ZNF215: variants seen among roughly 807,000 people sequenced by gnomAD.
ZNF215 encodes BWSCR2-associated zinc finger protein 2.
A neutral mutation model predicts 27.2 loss-of-function variants in ZNF215; 24 were observed. That is an observed-to-expected ratio of 0.88 (90% CI 0.64 to 1.24). The LOEUF (loss-of-function observed/expected upper bound fraction) is 1.24, where lower values mean the gene tolerates loss of function less well. Ranked by LOEUF, ZNF215 falls within the 50% of genes most tolerant of loss-of-function variation. The probability of loss-of-function intolerance (pLI) is 0.00; values close to 1 mark genes in which losing one functional copy is unlikely to be tolerated. For missense variants in ZNF215, 675 were observed against 605.7 expected (o/e 1.11, Z -1.20); for synonymous variants, 210 against 204.0 (o/e 1.03, Z -0.25).
In ZNF215 at chr11:6,955,864, C is replaced by T. The variant is rs1294500556; in HGVS notation, c.887C>T (p.Thr296Ile). ...GCTTTCATTCCTGAGACAATTTACA[C>T]TGAGGAGGAAGATTTTGAATGTAGT... ...QEAFIPETIY[T>I]EEEDFECSEN... Residue 296 changes from threonine (T) to isoleucine (I), a missense_variant, in exon 7 of 7, where the codon ACT becomes ATT. By Grantham distance (89) the Thr-to-Ile change is moderately conservative. Transcript: ENST00000278319. 1.2e-6 allele frequency: 2 copies of T among 1,610,578 alleles called. No homozygotes were observed. Among genetic ancestry groups the T allele is most frequent in the Non-Finnish European group, 1.7e-6 (2 of 1,179,242 alleles).
intron 5 of ZNF215, among the ~76,000 whole-genome samples, chr11:6,982,893 G>C (rs1217874498): frequency 6.6e-6 from 1 of 151,518 alleles, no homozygotes; most frequent in Non-Finnish European, 1.5e-5. Flanking sequence ...CAGAAGGCAA[G>C]AAATAACTAA....
chr11:6,943,193 G>C lies in ZNF215; in HGVS notation c.594G>C (p.Arg198Ser). ...GGAATGTGATGCTGGAAAACTTTAGGAACCTGAATTCATTGCGTAAAGGTG... is the reference window on the plus strand; with the variant it reads ...GGAATGTGATGCTGGAAAACTTTAGCAACCTGAATTCATTGCGTAAAGGTG... Reference protein sequence around the residue: ...LYRNVMLENFRNLNSLRKAHL... With the variant: ...LYRNVMLENFSNLNSLRKAHL... The change falls in exon 5 of 7, where the codon AGG becomes AGC. Residue 198 changes from arginine to serine, a missense_variant. Arg to Ser is a moderately radical substitution (Grantham distance 110, BLOSUM62 -1). Coordinates refer to ENST00000278319, the MANE Select transcript of ZNF215 (RefSeq NM_013250.4). The C allele has an allele frequency of 6.2e-7, 1 of 1,613,282 alleles. No homozygotes were observed. The highest frequency in any genetic ancestry group is 1.1e-5 in the South Asian group (1 of 90,826).
intron 5 of ZNF215, among the ~76,000 whole-genome samples, chr11:6,983,453 C>T (rs964679095): frequency 5.9e-5 from 9 of 151,850 alleles, no homozygotes; most frequent in Non-Finnish European, 1.2e-4. Flanking sequence ...GAGACACAAG[C>T]AAAAAAGAGA....
At chr11:6,984,265 G>C (rs947216713) in exon 6 of ZNF215, 2 of 237,444 alleles carry the variant, frequency 8.4e-6, no homozygotes, top group Admixed American at 1.2e-4. Context: ...CCACCACCAT[G>C]CCTAGCTAAT....
intron 6 of ZNF215, 24 bp from the exon 7 acceptor site, chr11:6,955,666 A>G (rs746687622): frequency 1.3e-6 from 2 of 1,527,666 alleles, no homozygotes; most frequent in African/African-American, 1.4e-5. Flanking sequence ...CTTCTAGTTC[A>G]TGGCATTTTT....
chr11:6,935,067 G>GCCACCCCA (rs1417518631), intron 3 of ZNF215, among the ~76,000 whole-genome samples: 2 of 152,178 alleles, frequency 1.3e-5, no homozygotes, highest in Non-Finnish European at 2.9e-5. Flanking sequence ...GTACTGAGGT[G>GCCACCCCA]GCTACCTGGG....
At chr11:6,943,369 T>G (rs1849696243) in intron 5 of ZNF215, among the ~76,000 whole-genome samples, 154 bp downstream of exon 5, 2 of 152,238 alleles carry the variant, frequency 1.3e-5, no homozygotes. Flanking sequence ...CTGACTCATC[T>G]GGATGAAAGT....
chr11:6,932,276 C>T lies in ZNF215; in HGVS notation c.4C>T (p.Gln2Ter), dbSNP rs1344720068. Reference sequence around the variant, plus strand: ...TGTGGGAGTTCTATTTAGGAAGATGCAGCCTCTGAGCAAGTTGATGGCTAT... The same window carrying T: ...TGTGGGAGTTCTATTTAGGAAGATGTAGCCTCTGAGCAAGTTGATGGCTAT... M[Q>*]PLSKLMAISK... is the part of the protein sequence containing the mutation. Residue 2 changes from glutamine to a stop codon, truncating the protein, a stop_gained, in exon 3 of 7, where the codon CAG becomes TAG. Transcript: ENST00000278319. LOFTEE classifies it high-confidence loss of function. 1.2e-6 allele frequency: 2 copies of T among 1,612,378 alleles called. No homozygotes were observed. Among genetic ancestry groups the T allele is most frequent in the Middle Eastern group, 1.6e-4 (1 of 6,072 alleles).
At chr11:6,948,889 TCCCTCCC>T (rs1849930138) in intron 6 of ZNF215, among the ~76,000 whole-genome samples, 1 of 111,226 alleles carries the variant, frequency 9.0e-6, no homozygotes, top group Non-Finnish European at 1.8e-5. Context: ...CCTAATGCTA[TCCCTCCC>T]CCCTCCCCCC....
chr11:6,984,656 T>G (rs1851025797), downstream of ZNF215: 1 of 152,138 alleles, frequency 6.6e-6, no homozygotes, highest in Non-Finnish European at 1.5e-5. Context: ...TTTACTTTTA[T>G]GAGAAAAAAG....
At chr11:6,952,406 A>G (rs1321308546) in intron 6 of ZNF215, among the ~76,000 whole-genome samples, 1 of 152,002 alleles carries the variant, frequency 6.6e-6, no homozygotes, top group Non-Finnish European at 1.5e-5. Flanking sequence ...TGCTTTATGA[A>G]TCTGGGTGCT....
At chr11:6,955,039 G>A (rs147108468) in intron 6 of ZNF215, among the ~76,000 whole-genome samples, 2 of 152,062 alleles carry the variant, frequency 1.3e-5, no homozygotes, top group Non-Finnish European at 2.9e-5. Flanking sequence ...TAATTAGAAC[G>A]GTAAAGTTTT....
At chr11:6,984,863 A>G (rs1048470266), downstream of ZNF215, among the ~76,000 whole-genome samples, 1 of 150,720 alleles carries the variant, frequency 6.6e-6, no homozygotes, top group African/African-American at 2.4e-5. Flanking sequence ...ATAGTTAAAA[A>G]GAGAACAGAC....
At chr11:6,964,931 A>T (rs553937599) in intron 5 of ZNF215, among the ~76,000 whole-genome samples, 165 of 152,222 alleles carry the variant, frequency 1.1e-3, no homozygotes, top group Non-Finnish European at 1.6e-3. Flanking sequence ...AAACTCTTTT[A>T]TACATTTGTA....
At chr11:6,945,859 G>C (rs1849796526) in intron 6 of ZNF215, among the ~76,000 whole-genome samples, 1 of 152,138 alleles carries the variant, frequency 6.6e-6, no homozygotes, top group Non-Finnish European at 1.5e-5. Context: ...AGGATTTACA[G>C]ATGTATATCC....
At chr11:6,953,696 T>C (rs1348644866) in intron 6 of ZNF215, among the ~76,000 whole-genome samples, 1 of 152,208 alleles carries the variant, frequency 6.6e-6, no homozygotes, top group Non-Finnish European at 1.5e-5. Context: ...TCCTGTAGCT[T>C]GAAGTAGTTT....
intron 2 of ZNF215, among the ~76,000 whole-genome samples, chr11:6,929,162 A>G (rs1849166738): frequency 1.3e-5 from 2 of 152,178 alleles, no homozygotes; most frequent in African/African-American, 4.8e-5. Flanking sequence ...TCAAGCCAGA[A>G]GGCACCTGCC....
intron 6 of ZNF215, among the ~76,000 whole-genome samples, chr11:6,994,029 A>G (rs949608697): frequency 2.6e-5 from 4 of 152,140 alleles, no homozygotes; most frequent in African/African-American, 9.7e-5. Flanking sequence ...GGTCCCAAGT[A>G]TAGTGCTAAG....
chr11:6,985,968 A>G (rs528608982), downstream of ZNF215, among the ~76,000 whole-genome samples: 2 of 152,192 alleles, frequency 1.3e-5, no homozygotes, highest in Admixed American at 6.5e-5. Context: ...GCAATTCACA[A>G]TTCAACACTA....
Sources: allele counts gnomAD v4.1 joint callset (sites outside exome capture counted in the v4.1 genomes callset), GRCh38; gene constraint gnomAD v4.1.1; transcripts MANE v1.5; gene names NCBI Gene and HGNC (gene_info 2026-07-23, HGNC 2026-07-21).